The following ESR1 variants were observed in gnomAD, a reference collection of about 807,000 sequenced individuals.
ESR1 encodes estrogen receptor.
In ESR1, 12 loss-of-function variants were observed where a neutral mutation model predicts 52.7. The observed-to-expected ratio is 0.23, with a 90% CI of 0.15 to 0.37. ESR1 has a LOEUF of 0.37. ESR1 is among the 10% of genes least tolerant of loss of function. ESR1 has a pLI of 1.00. For synonymous variants in ESR1, 305 were observed against 316.8 expected, an observed-to-expected ratio of 0.96 and a Z score of 0.39; for missense variants, 584 against 779.7, an observed-to-expected ratio of 0.75 and a Z score of 2.99.
intron 1 of ESR1, among the ~76,000 whole-genome samples, chr6:151,673,056 G>A (rs997679375): frequency 4.7e-5 from 7 of 150,302 alleles, no homozygotes; most frequent in Non-Finnish European, 1.0e-4. Flanking sequence ...TCAATCTTCT[G>A]ACCTCGTGAT....
intron 5 of ESR1, among the ~76,000 whole-genome samples, chr6:152,013,472 A>G (rs2042937555): frequency 6.6e-6 from 1 of 152,164 alleles, no homozygotes; most frequent in Admixed American, 6.5e-5. Flanking sequence ...CAATTTTTAT[A>G]ATGTTGACAC....
intron 6 of ESR1, among the ~76,000 whole-genome samples, chr6:152,124,175 G>A (rs117713076): frequency 0.014 from 2,125 of 152,172 alleles, 34 homozygotes; most frequent in African/African-American, 0.025. Flanking sequence ...GCCTGGTGGC[G>A]TGTGCCTGTA....
intron 3 of ESR1, among the ~76,000 whole-genome samples, chr6:151,884,434 A>G (rs1341846259): frequency 6.6e-6 from 1 of 152,256 alleles, no homozygotes; most frequent in Non-Finnish European, 1.5e-5. Context: ...GGTTCACAAC[A>G]ATCCACTTTC....
chr6:151,823,159 A>G (rs967030757), intron 1 of ESR1, among the ~76,000 whole-genome samples: 4 of 152,146 alleles, frequency 2.6e-5, no homozygotes, highest in African/African-American at 4.8e-5. Context: ...AATGTCCTGT[A>G]TTTTTGTTGG....
chr6:151,835,940 G>A (rs1428888518), intron 1 of ESR1, among the ~76,000 whole-genome samples: 1 of 152,142 alleles, frequency 6.6e-6, no homozygotes, highest in Non-Finnish European at 1.5e-5. Flanking sequence ...CCAAAGAAAA[G>A]GCAGTGGTCA....
intron 1 of ESR1, among the ~76,000 whole-genome samples, chr6:151,679,223 A>G (rs1778365991): frequency 1.3e-5 from 2 of 152,110 alleles, no homozygotes; most frequent in Non-Finnish European, 2.9e-5. Context: ...CATCTGTTTC[A>G]TATCTCCAAG....
intron 3 of ESR1, among the ~76,000 whole-genome samples, chr6:151,937,454 G>A (rs916714774): frequency 3.3e-5 from 5 of 152,168 alleles, no homozygotes; most frequent in African/African-American, 1.2e-4. Context: ...GAAGACTGAA[G>A]ATAGGCAAGG....
chr6:151,878,453 A>C (rs1269836886), intron 2 of ESR1, among the ~76,000 whole-genome samples: 1 of 152,216 alleles, frequency 6.6e-6, no homozygotes, highest in Non-Finnish European at 1.5e-5. Context: ...GCCCGTGTAT[A>C]CAGTGACTTT....
chr6:152,124,881 C>A (rs913505366), intron 6 of ESR1, among the ~76,000 whole-genome samples: 2 of 152,146 alleles, frequency 1.3e-5, no homozygotes, highest in Non-Finnish European at 2.9e-5. Context: ...AAGGACAGTT[C>A]ATGTTTACTC....
At position 151,850,023 on chromosome 6, in the gene ESR1, CA is replaced by C. The variant is rs1562473946; in HGVS notation, c.643+7240del. 1.7e-4 allele frequency among the ~76,000 whole-genome samples: 7 copies of C among 41,464 alleles called. 1 individual carries two copies. The East Asian group carries it at 3.6e-3, about 21-fold the overall frequency. 27.2% of individuals were successfully genotyped at this position (41,464 alleles called of 152,430 possible). The stretch of plus-strand genomic sequence containing the variant: ...ATATATATAATTTTGTATATATATA[CA>C]AAATTATATATATATATAATTTTAT... On this transcript the variant is annotated intron_variant, in intron 2 of 7. Coordinates refer to ENST00000206249, the MANE Select transcript of ESR1 (RefSeq NM_000125.4).
At chr6:151,957,735 A>C (rs980767013) in intron 4 of ESR1, among the ~76,000 whole-genome samples, 2 of 151,426 alleles carry the variant, frequency 1.3e-5, no homozygotes, top group African/African-American at 2.5e-5. Flanking sequence ...CTATTGTAGA[A>C]TAAATCCTAT....
chr6:151,929,406 A>G (rs1296948843), intron 3 of ESR1, among the ~76,000 whole-genome samples: 1 of 152,148 alleles, frequency 6.6e-6, no homozygotes, highest in African/African-American at 2.4e-5. Context: ...GAATGTTAGC[A>G]TGGTGTATCT....
intron 5 of ESR1, among the ~76,000 whole-genome samples, chr6:152,029,946 G>A (rs1336504187): frequency 1.3e-5 from 2 of 152,210 alleles, no homozygotes; most frequent in Non-Finnish European, 2.9e-5. Flanking sequence ...GGATCTCTTG[G>A]CAGAAACTCT....
At chr6:151,784,869 A>C (rs1464233220) in intron 2 of ESR1, among the ~76,000 whole-genome samples, 1 of 152,198 alleles carries the variant, frequency 6.6e-6, no homozygotes, top group Non-Finnish European at 1.5e-5. Context: ...AGAGGTTGGC[A>C]AGTCTGAAAT....
chr6:151,859,099 A>G (rs540743771), intron 2 of ESR1, among the ~76,000 whole-genome samples: 5 of 152,340 alleles, frequency 3.3e-5, no homozygotes, highest in South Asian at 2.1e-4. Context: ...ACAGGACTTC[A>G]TGTTCAATAA....
At chr6:152,003,830 A>T (rs2128751320) in intron 4 of ESR1, among the ~76,000 whole-genome samples, 1 of 152,152 alleles carries the variant, frequency 6.6e-6, no homozygotes, top group East Asian at 1.9e-4. Flanking sequence ...GTATTTTAAA[A>T]GTTTGTATAT....
intron 2 of ESR1, among the ~76,000 whole-genome samples, chr6:151,776,869 A>G (rs1786045292): frequency 6.6e-6 from 1 of 151,682 alleles, no homozygotes; most frequent in African/African-American, 2.4e-5. Flanking sequence ...AGAAAAGAAA[A>G]GAAGAGTGGC....
At chr6:151,956,086 A>T (rs1324837800) in intron 4 of ESR1, among the ~76,000 whole-genome samples, 4 of 152,156 alleles carry the variant, frequency 2.6e-5, no homozygotes, top group Non-Finnish European at 5.9e-5. Flanking sequence ...AGTGTATTCC[A>T]TGGTGTATAT....
intron 4 of ESR1, among the ~76,000 whole-genome samples, chr6:151,980,970 G>C (rs1277955526): frequency 6.6e-6 from 1 of 152,178 alleles, no homozygotes; most frequent in Non-Finnish European, 1.5e-5. Flanking sequence ...TCAAAGTGCT[G>C]GGATTATAGG....
Sources: gnomAD v4.1 joint callset for allele counts (sites outside exome capture counted in the v4.1 genomes callset) on GRCh38, gnomAD v4.1.1 for gene constraint, MANE v1.5 for transcripts, NCBI Gene and HGNC (gene_info 2026-07-23, HGNC 2026-07-21) for gene names.